The following GOLGA5 variants were observed in gnomAD, a reference collection of about 807,000 sequenced individuals.
GOLGA5 encodes golgin subfamily A member 5.
A neutral mutation model predicts 93.5 loss-of-function variants in GOLGA5; 50 were observed. The ratio of observed to expected loss-of-function variants is 0.53; its 90% confidence interval spans 0.43 to 0.68. The LOEUF (loss-of-function observed/expected upper bound fraction) is 0.68. Ranked by LOEUF, GOLGA5 falls within the 30% of genes least tolerant of loss-of-function variation. The pLI, the probability that GOLGA5 is intolerant of heterozygous loss-of-function variation, is 0.00. For synonymous variants in GOLGA5, 312 were observed against 304.5 expected, an observed-to-expected ratio of 1.02 and a Z score of -0.26; for missense variants, 760 against 856.4, an observed-to-expected ratio of 0.89 and a Z score of 1.40.
Position 92,795,214 on chromosome 14 carries a change from C to G in GOLGA5, c.-31+758C>G, listed in dbSNP as rs545385007. On this transcript the variant is annotated intron_variant, in intron 1 of 12. Transcript: ENST00000163416. ...TCGGCCTCCCAGTGTGTTGGGATTA[C>G]AGGCGTGAGCCACAGTGCCTGGCCT... Among the ~76,000 whole-genome samples, 240 of 152,356 alleles carry G rather than the reference C, an allele frequency of 1.6e-3. 1 individual carries two copies. The highest frequency in any genetic ancestry group is 5.5e-3 in the African/African-American group (228 of 41,588).
chr14:92,798,370 T>C (rs1347143773), intron 2 of GOLGA5, among the ~76,000 whole-genome samples: 1 of 152,252 alleles, frequency 6.6e-6, no homozygotes. Flanking sequence ...GAGGCTGTAC[T>C]TCACGTATTT....
chr14:92,833,057 G>A (rs1350585732), intron 9 of GOLGA5, 65 bp from the exon 10 acceptor site: 2 of 866,472 alleles, frequency 2.3e-6, no homozygotes, highest in Non-Finnish European at 2.0e-6. Flanking sequence ...AAATGTAGTA[G>A]TGTGATTTCT....
At chr14:92,824,854 G>A (rs936710550) in intron 9 of GOLGA5, among the ~76,000 whole-genome samples, 3 of 152,140 alleles carry the variant, frequency 2.0e-5, no homozygotes, top group Admixed American at 1.3e-4. Context: ...TCTTATAGAA[G>A]TATCTTGTAG....
At chr14:92,821,145 T>G (rs1485305147) in intron 8 of GOLGA5, among the ~76,000 whole-genome samples, 1 of 152,244 alleles carries the variant, frequency 6.6e-6, no homozygotes, top group Non-Finnish European at 1.5e-5. Flanking sequence ...TATCTCCTAG[T>G]ATAGAAAACT....
intron 7 of GOLGA5, among the ~76,000 whole-genome samples, 157 bp downstream of exon 7, chr14:92,816,578 T>C (rs995230194): frequency 1.3e-5 from 2 of 152,170 alleles, no homozygotes; most frequent in Non-Finnish European, 1.5e-5. Flanking sequence ...CCTCTTCTCT[T>C]CTTTTGGAGT....
chr14:92,837,677 CCTTTGCCTCCCAA>C (rs1885675586), intron 12 of GOLGA5, among the ~76,000 whole-genome samples: 1 of 152,152 alleles, frequency 6.6e-6, no homozygotes, highest in African/African-American at 2.4e-5. Context: ...CATCCTCCCA[CCTTTGCCTCCCAA>C]GTAGCTGGGA....
intron 2 of GOLGA5, among the ~76,000 whole-genome samples, chr14:92,803,281 C>G (rs1431275552): frequency 6.6e-6 from 1 of 152,216 alleles, no homozygotes; most frequent in African/African-American, 2.4e-5. Flanking sequence ...AGGGATCCTC[C>G]TGTGTTGGCC....
Position 92,837,429 on chromosome 14 carries a change from GT to G in GOLGA5, c.2100del (p.Phe700LeufsTer2). The G allele has an allele frequency of 6.6e-7, 1 of 1,507,136 alleles. No homozygotes were observed. The highest frequency in any genetic ancestry group is 9.2e-7 in the Non-Finnish European group (1 of 1,083,260). 93.4% of individuals were successfully genotyped at this position (1,507,136 alleles called of 1,614,324 possible). A position where few individuals can be genotyped will look rare whatever the true frequency, so the allele number is the denominator to read the frequency against. On this transcript the variant is annotated frameshift_variant, in exon 12 of 13. Coordinates refer to ENST00000163416, the MANE Select transcript of GOLGA5 (RefSeq NM_005113.4). LOFTEE classifies it high-confidence loss of function. ...TCTCCGAAGATACCCCATAGCGCGA[GT>G]TTTTGTAATTATATATATGGTAAGT... Reference protein sequence around the residue: ...IFLRRYPIARVFVIIYMALLH... With the variant: ...IFLRRYPIARXFVIIYMALLH...
chr14:92,794,660 C>A (rs1022524739), intron 1 of GOLGA5, among the ~76,000 whole-genome samples: 4 of 152,230 alleles, frequency 2.6e-5, no homozygotes, highest in African/African-American at 9.6e-5. Flanking sequence ...CTCTGTCTTC[C>A]TTTCTCCTGA....
rs556097460 is a variant in GOLGA5 at position 92,815,726 on chromosome 14, C to T, written c.1321-525C>T. 1.2e-4 allele frequency among the ~76,000 whole-genome samples: 14 copies of T among 117,140 alleles called. No individual in the cohort carries two copies. The East Asian group carries it at 1.3e-3, about 11-fold the overall frequency. The allele number at this position is 117,140 out of a possible 152,430, so 76.8% of individuals were successfully genotyped here. A position where few individuals can be genotyped will look rare whatever the true frequency, so the allele number is the denominator to read the frequency against. On this transcript the variant is annotated intron_variant, in intron 6 of 12. Coordinates refer to ENST00000163416, the MANE Select transcript of GOLGA5 (RefSeq NM_005113.4). ...TTTTTTTTTTTTTTTTTTTTTTAGA[C>T]GGAGTCTGGCTCTGTCACCCAGGCT...
chr14:92,795,512 A>C (rs565490991), intron 1 of GOLGA5, among the ~76,000 whole-genome samples: 111 of 152,328 alleles, frequency 7.3e-4, no homozygotes, highest in Non-Finnish European at 1.4e-3. Context: ...TGCTTTAAAA[A>C]AAGGATATTG....
In GOLGA5 at chr14:92,809,296, A is replaced by G. The variant is rs909973028; in HGVS notation, c.773-4A>G. Reference sequence around the variant, plus strand: ...TGTATAGAGAAATTTAAATTTTTTAATAGAATTAAACAAAGCAAGAGCAAG... The same window carrying G: ...TGTATAGAGAAATTTAAATTTTTTAGTAGAATTAAACAAAGCAAGAGCAAG... On this transcript the variant is annotated splice_polypyrimidine_tract_variant and splice_region_variant and intron_variant, in intron 3 of 12. Coordinates refer to ENST00000163416, the MANE Select transcript of GOLGA5 (RefSeq NM_005113.4). 1.9e-6 allele frequency: 3 copies of G among 1,592,146 alleles called. No homozygotes were observed. The African/African-American group carries it at 4.0e-5, about 21-fold the overall frequency.
chr14:92,838,419 G>A (rs1159975727), intron 12 of GOLGA5, among the ~76,000 whole-genome samples: 1 of 151,916 alleles, frequency 6.6e-6, no homozygotes, highest in Non-Finnish European at 1.5e-5. Context: ...CCAGGCTGGA[G>A]TGCAGTGGCA....
chr14:92,830,570 G>A (rs1885509756), intron 9 of GOLGA5, among the ~76,000 whole-genome samples: 1 of 152,022 alleles, frequency 6.6e-6, no homozygotes, highest in Non-Finnish European at 1.5e-5. Context: ...ACTGTTAATA[G>A]ACTACAGTAT....
Position 92,835,509 on chromosome 14 carries a change from CT to C in GOLGA5, c.1946-48del, listed in dbSNP as rs1185469879. The C allele has an allele frequency of 1.1e-5, 14 of 1,252,758 alleles. No individual in the cohort carries two copies. The East Asian group carries it at 3.3e-4, about 30-fold the overall frequency. 77.6% of individuals were successfully genotyped at this position (1,252,758 alleles called of 1,614,324 possible). A position where few individuals can be genotyped will look rare whatever the true frequency, so the allele number is the denominator to read the frequency against. On this transcript the variant is annotated intron_variant, in intron 10 of 12. Transcript: ENST00000163416. Reference sequence around the variant, plus strand: ...ACAGTGTATTTCCAATTATAATTGTCTTAGTTAATTTTTATGTCAGTACACT... The same window carrying C: ...ACAGTGTATTTCCAATTATAATTGTCTAGTTAATTTTTATGTCAGTACACT...
intron 8 of GOLGA5, among the ~76,000 whole-genome samples, chr14:92,822,443 G>T (rs1360630033): frequency 6.6e-6 from 1 of 152,182 alleles, no homozygotes; most frequent in Non-Finnish European, 1.5e-5. Flanking sequence ...ACACATTTTT[G>T]GATTGGCATG....
intron 5 of GOLGA5, 64 bp downstream of exon 5, chr14:92,810,441 T>C: frequency 8.0e-7 from 1 of 1,248,882 alleles, no homozygotes; most frequent in South Asian, 1.6e-5. Context: ...CTTTATGCTG[T>C]TTCATAGCAC....
At chr14:92,822,022 CTATT>C (rs1252682844) in intron 8 of GOLGA5, among the ~76,000 whole-genome samples, 2 of 152,210 alleles carry the variant, frequency 1.3e-5, no homozygotes, top group Non-Finnish European at 2.9e-5. Flanking sequence ...TAGCTGTGGG[CTATT>C]TATTTAGTAT....
At chr14:92,805,969 C>CCAG (rs1488238450) in intron 2 of GOLGA5, among the ~76,000 whole-genome samples, 1 of 137,760 alleles carries the variant, frequency 7.3e-6, no homozygotes, top group Non-Finnish European at 1.5e-5. Context: ...ATGTTAGATT[C>CCAG]CAGTTTGATT....
Sources: gnomAD v4.1 joint callset for allele counts (sites outside exome capture counted in the v4.1 genomes callset) on GRCh38, gnomAD v4.1.1 for gene constraint, MANE v1.5 for transcripts, NCBI Gene and HGNC (gene_info 2026-07-23, HGNC 2026-07-21) for gene names.